The following ZNF93 variants were observed in gnomAD, a reference collection of about 807,000 sequenced individuals.
ZNF93 encodes zinc finger protein 93.
ZNF93 carries 29 observed loss-of-function variants against 45.0 expected under a neutral mutation model. The observed-to-expected ratio is 0.64, with a 90% confidence interval of 0.48 to 0.88. The LOEUF (loss-of-function observed/expected upper bound fraction) is 0.88. Ranked by LOEUF, ZNF93 falls within the 40% of genes least tolerant of loss-of-function variation. The pLI is 0.00. For synonymous variants in ZNF93, 223 were observed against 244.6 expected (o/e 0.91, Z 0.82); for missense variants, 578 against 724.0 (o/e 0.80, Z 2.31).
At chr19:19,907,944 G>A (rs2063297513) in intron 1 of ZNF93, 1 of 152,110 alleles carries the variant, frequency 6.6e-6, no homozygotes, top group Non-Finnish European at 1.5e-5. Flanking sequence ...AGTGTTTGAA[G>A]TATAGTTGCA....
intron 1 of ZNF93, chr19:19,908,272 A>G (rs943078735): frequency 6.6e-6 from 1 of 152,208 alleles, no homozygotes; most frequent in African/African-American, 2.4e-5. Context: ...TCTTCATCAA[A>G]AAGTGTTGTT....
chr19:19,915,814 C>T (rs1321966388), intron 2 of ZNF93, among the ~76,000 whole-genome samples: 1 of 152,100 alleles, frequency 6.6e-6, no homozygotes, highest in Admixed American at 6.5e-5. Flanking sequence ...TGCACTCCAG[C>T]CTGGATGACA....
In ZNF93 at chr19:19,933,881, G is replaced by A. The variant is rs543137198; in HGVS notation, c.926G>A (p.Gly309Glu). The A allele has an allele frequency of 1.9e-6, 3 of 1,612,860 alleles. No homozygotes were observed. In the South Asian group the frequency reaches 3.3e-5, roughly 18 times the overall value. ...TLTKHKKIHT[G>E]EKPYVCEECG... ...ACTAAACATAAGAAAATTCATACTG[G>A]AGAGAAGCCCTACGTTTGTGAAGAA... Residue 309 changes from glycine (G) to glutamate (E), a missense_variant, in exon 4 of 4, where the codon GGA becomes GAA. Gly to Glu is a moderately conservative substitution (Grantham distance 98, BLOSUM62 -2). This residue lies in a region of ZNF93 where 446 missense variants were observed against 547.6 expected (regional missense o/e 0.81). Transcript: ENST00000343769.
intron 1 of ZNF93, among the ~76,000 whole-genome samples, chr19:19,904,680 C>T (rs1397144152): frequency 1.3e-5 from 2 of 152,138 alleles, no homozygotes; most frequent in African/African-American, 4.8e-5. Flanking sequence ...TCATGGAGCC[C>T]TAGCCTGGAA....
chr19:19,932,503 C>T (rs565983829), intron 3 of ZNF93: 15 of 152,214 alleles, frequency 9.9e-5, no homozygotes, highest in African/African-American at 3.6e-4. Context: ...CAATATTTAT[C>T]TTAATAGTTG....
At position 19,934,022 on chromosome 19, in the gene ZNF93, T is replaced by C; in HGVS notation, c.1067T>C (p.Leu356Pro). The C allele has an allele frequency of 1.2e-6, 2 of 1,613,166 alleles. No individual in the cohort carries two copies. Among genetic ancestry groups the C allele is most frequent in the South Asian group, 1.1e-5 (1 of 90,962 alleles). The change falls in exon 4 of 4, where the codon CTT (leucine) becomes CCT (proline). Residue 356 changes from leucine (L) to proline (P), a missense_variant. Transcript: ENST00000343769. The stretch of plus-strand genomic sequence containing the variant: ...AAAGCCTTTATTGCATCCTCAACCC[T>C]TAGTAGACATGAGTTCATTCATATG... Reference protein sequence around the residue: ...CGKAFIASSTLSRHEFIHMGK... With the variant: ...CGKAFIASSTPSRHEFIHMGK...
At chr19:19,931,541 T>C (rs2063374481) in intron 3 of ZNF93, among the ~76,000 whole-genome samples, 1 of 152,178 alleles carries the variant, frequency 6.6e-6, no homozygotes, top group Non-Finnish European at 1.5e-5. Context: ...TTATTTGTAT[T>C]TTTTGTAGAG....
chr19:19,923,303 C>A (rs183050367), intron 3 of ZNF93, among the ~76,000 whole-genome samples: 166 of 152,250 alleles, frequency 1.1e-3, no homozygotes, highest in African/African-American at 3.6e-3. Flanking sequence ...CTGGAAGTTT[C>A]ATCTCAGAGG....
intron 3 of ZNF93, chr19:19,927,022 AT>A (rs573408613): frequency 5.0e-6 from 2 of 396,884 alleles, no homozygotes; most frequent in Non-Finnish European, 4.4e-6. Context: ...ATAATTCTGT[AT>A]TTTTTTCAGT....
At chr19:19,903,955 AG>A (rs1461017907) in intron 1 of ZNF93, among the ~76,000 whole-genome samples, 3 of 150,874 alleles carry the variant, frequency 2.0e-5, no homozygotes, top group Non-Finnish European at 4.4e-5. Context: ...GAAACTTGGG[AG>A]GCTGAGGCAG....
At chr19:19,926,901 G>A (rs1304163879) in intron 3 of ZNF93, among the ~76,000 whole-genome samples, 2 of 149,146 alleles carry the variant, frequency 1.3e-5, no homozygotes, top group African/African-American at 4.9e-5. Context: ...TCTTGTCTAA[G>A]TGAGAGTCAT....
At chr19:19,902,912 AAT>A (rs1033182178) in intron 1 of ZNF93, among the ~76,000 whole-genome samples, 1 of 151,512 alleles carries the variant, frequency 6.6e-6, no homozygotes, top group Non-Finnish European at 1.5e-5. Flanking sequence ...AATTAAAAAA[AAT>A]TTTTTTAATA....
chr19:19,916,635 A>G lies in ZNF93; in HGVS notation c.206A>G (p.Glu69Gly), dbSNP rs2063325061. Residue 69 changes from glutamate (E) to glycine (G), a missense_variant, in exon 3 of 4, where the codon GAG becomes GGG. Glu to Gly is a moderately conservative substitution (Grantham distance 98). Transcript: ENST00000343769. ...GKKPLTMKRHEMVANPSVICS... is the reference protein window; with the variant it reads ...GKKPLTMKRHGMVANPSVICS... Reference sequence around the variant, plus strand: ...AAACCTTTGACTATGAAGAGACATGAGATGGTAGCCAACCCCTCAGGTAGG... The same window carrying G: ...AAACCTTTGACTATGAAGAGACATGGGATGGTAGCCAACCCCTCAGGTAGG... 1 of 1,611,568 alleles carries G rather than the reference A, an allele frequency of 6.2e-7. No homozygotes were observed. Among genetic ancestry groups the G allele is most frequent in the African/African-American group, 1.3e-5 (1 of 74,734 alleles).
chr19:19,934,249 A>G lies in ZNF93; in HGVS notation c.1294A>G (p.Lys432Glu). The G allele has an allele frequency of 6.2e-7, 1 of 1,612,594 alleles. No individual in the cohort carries two copies. Among genetic ancestry groups the G allele is most frequent in the East Asian group, 2.2e-5 (1 of 44,476 alleles). Residue 432 changes from lysine (K) to glutamate (E), a missense_variant, in exon 4 of 4, where the codon AAA becomes GAA. Transcript: ENST00000343769. ...EKPYKCEECG[K>E]AFVASSTLSK... ...ACCCTACAAATGTGAAGAATGTGGC[A>G]AAGCCTTTGTTGCATCCTCAACCCT...
chr19:19,918,561 CCCA>C (rs1203460518), intron 3 of ZNF93, among the ~76,000 whole-genome samples: 3 of 152,150 alleles, frequency 2.0e-5, no homozygotes, highest in Non-Finnish European at 4.4e-5. Context: ...AGTTTACAGT[CCCA>C]CCAACAGTGT....
intron 3 of ZNF93, among the ~76,000 whole-genome samples, chr19:19,918,803 G>A (rs2063332959): frequency 6.6e-6 from 1 of 151,988 alleles, no homozygotes; most frequent in Non-Finnish European, 1.5e-5. Flanking sequence ...GGGGTTGTTT[G>A]TTTTTTTCTT....
Position 19,920,010 on chromosome 19 carries a change from G to A in ZNF93, c.226+3355G>A, listed in dbSNP as rs141179236. On this transcript the variant is annotated intron_variant, in intron 3 of 3. Coordinates refer to ENST00000343769, the MANE Select transcript of ZNF93 (RefSeq NM_031218.4). Reference sequence around the variant, plus strand: ...ATGTTGAGTAGGATTGGTAAGAGAGGGCATCCCTGTCTTGTGCCAGTTTTC... The same window carrying A: ...ATGTTGAGTAGGATTGGTAAGAGAGAGCATCCCTGTCTTGTGCCAGTTTTC... 6.2e-4 allele frequency among the ~76,000 whole-genome samples: 95 copies of A among 152,210 alleles called. 1 individual carries two copies. Among genetic ancestry groups the A allele is most frequent in the Admixed American group, 5.4e-3 (83 of 15,268 alleles).
At chr19:19,916,699 G>A in intron 3 of ZNF93, 44 bp downstream of exon 3, 2 of 1,447,070 alleles carry the variant, frequency 1.4e-6, no homozygotes, top group African/African-American at 1.4e-5. Flanking sequence ...CACAGTAAGA[G>A]GTCCCAAGGC....
Position 19,935,120 on chromosome 19 carries a change from T to G in ZNF93, c.*302T>G. 1 of 329,722 alleles carries G rather than the reference T, an allele frequency of 3.0e-6. No individual in the cohort carries two copies. Among genetic ancestry groups the G allele is most frequent in the Non-Finnish European group, 5.5e-6 (1 of 181,386 alleles). The allele number at this position is 329,722 out of a possible 1,614,324, so 20.4% of individuals were successfully genotyped here. A position where few individuals can be genotyped will look rare whatever the true frequency, so the allele number is the denominator to read the frequency against. On this transcript the variant is annotated 3_prime_UTR_variant, in exon 4 of 4. Transcript: ENST00000343769. ...ACAGTTAACCTGAGGAAATGCTCTC[T>G]GGTACTCACTGAAAGCCACACTCAT...
Sources: gnomAD v4.1 joint callset for allele counts (sites outside exome capture counted in the v4.1 genomes callset) on GRCh38, gnomAD v4.1.1 for gene constraint, gnomAD v4.1.1 regional missense constraint, MANE v1.5 for transcripts, NCBI Gene and HGNC (gene_info 2026-07-23, HGNC 2026-07-21) for gene names.